KSR1: variants seen among roughly 807,000 people sequenced by gnomAD.
KSR1 encodes kinase suppressor of ras.
Under a neutral mutation model 92.9 loss-of-function variants are expected in KSR1, and 35 were observed. The ratio of observed to expected loss-of-function variants is 0.38; its 90% CI spans 0.29 to 0.50. The LOEUF is 0.50. Among genes scored for constraint, KSR1 ranks in the 20% least tolerant of loss-of-function variants. KSR1 has a pLI of 0.94. For missense variants in KSR1, 972 were observed against 1,158.5 expected (o/e 0.84, Z 2.34); for synonymous variants, 467 against 472.6 (o/e 0.99, Z 0.15).
chr17:27,497,377 G>A (rs1284489470), intron 1 of KSR1, among the ~76,000 whole-genome samples: 1 of 152,226 alleles, frequency 6.6e-6, no homozygotes, highest in Non-Finnish European at 1.5e-5. Context: ...TCTGGAAAAT[G>A]TCCTGGGACA....
chr17:27,579,911 A>AAAAAAAAAGG (rs35343726), intron 3 of KSR1: 1 of 149,294 alleles, frequency 6.7e-6, no homozygotes, highest in African/African-American at 2.5e-5. Context: ...AAAAAAAAAA[A>AAAAAAAAAGG]GTGAGTGAAG....
chr17:27,592,559 T>G lies in KSR1; in HGVS notation c.1232T>G (p.Ile411Ser). Residue 411 changes from isoleucine (I) to serine (S), a missense_variant, in exon 9 of 21, where the codon ATC becomes AGC. This residue lies in a region of KSR1 where 611 missense variants were observed against 668.0 expected (regional missense o/e 0.91). Transcript: ENST00000644974. ...LRRTESVPSD[I>S]NNPVDRAAEP... is the part of the protein sequence containing the mutation. ...AGGACAGAATCTGTCCCCTCGGACATCAACAACCCGGTGGACAGAGCAGCC... is the reference window on the plus strand; with the variant it reads ...AGGACAGAATCTGTCCCCTCGGACAGCAACAACCCGGTGGACAGAGCAGCC... The G allele has an allele frequency of 6.2e-7, 1 of 1,613,938 alleles. No individual in the cohort carries two copies. The highest frequency in any genetic ancestry group is 8.5e-7 in the Non-Finnish European group (1 of 1,179,874).
intron 16 of KSR1, 126 bp downstream of exon 16, chr17:27,609,455 T>C: frequency 1.6e-6 from 2 of 1,255,320 alleles, no homozygotes. Context: ...CCCAGGTCGC[T>C]TTGGTCCTGC....
chr17:27,537,621 C>T (rs750949331), intron 1 of KSR1, among the ~76,000 whole-genome samples: 17 of 152,190 alleles, frequency 1.1e-4, no homozygotes, highest in Non-Finnish European at 1.8e-4. Flanking sequence ...ACCCGGGAGG[C>T]GGAGGTTGCA....
chr17:27,623,096 G>C (rs2074269795), intron 20 of KSR1: 2 of 593,210 alleles, frequency 3.4e-6, no homozygotes, highest in Non-Finnish European at 6.0e-6. Flanking sequence ...AGATGAATGA[G>C]CCACCGTTGC....
Position 27,456,726 on chromosome 17 carries a change from G to C in KSR1, c.83G>C (p.Gly28Ala), listed in dbSNP as rs781300247. The C allele has an allele frequency of 1.1e-4, 136 of 1,247,922 alleles. No homozygotes were observed. Among genetic ancestry groups the C allele is most frequent in the Non-Finnish European group, 1.4e-4 (122 of 869,358 alleles). 77.3% of individuals were successfully genotyped at this position (1,247,922 alleles called of 1,614,324 possible). A position where few individuals can be genotyped will look rare whatever the true frequency, so the allele number is the denominator to read the frequency against. Residue 28 changes from glycine to alanine, a missense_variant, in exon 1 of 21, where the codon GGA becomes GCA. Gly to Ala is a moderately conservative substitution (Grantham distance 60). This residue lies in a region of KSR1 where 19 missense variants were observed against 60.3 expected (regional missense o/e 0.32). Coordinates refer to ENST00000644974, the MANE Select transcript of KSR1 (RefSeq NM_001394583.1). ...GGGGGGGATGCGGCGGCCGCGGAGG[G>C]AGGCGCAGGGGCCGCGGCCAGCCGG... ...GGGGDAAAAE[G>A]GAGAAASRAL...
At chr17:27,461,327 C>A (rs558014335) in intron 1 of KSR1, among the ~76,000 whole-genome samples, 2 of 152,316 alleles carry the variant, frequency 1.3e-5, no homozygotes, top group African/African-American at 4.8e-5. Context: ...GTGATCTACC[C>A]ACCTTGGCCT....
At chr17:27,604,857 G>A (rs1328750791) in intron 13 of KSR1, 129 bp downstream of exon 13, 1 of 864,538 alleles carries the variant, frequency 1.2e-6, no homozygotes, top group Non-Finnish European at 2.0e-6. Flanking sequence ...GGCACCCATT[G>A]CAGAGGTGCA....
intron 3 of KSR1, chr17:27,579,537 T>C (rs1323458825): frequency 6.6e-6 from 1 of 152,150 alleles, no homozygotes; most frequent in Non-Finnish European, 1.5e-5. Flanking sequence ...TATGAGGTGA[T>C]AGAAAGTGTT....
At chr17:27,526,410 G>T in intron 1 of KSR1, 9 of 1,527,192 alleles carry the variant, frequency 5.9e-6, no homozygotes, top group South Asian at 1.3e-5. Context: ...GAAAGGGCCG[G>T]TTAAATGAGG....
At chr17:27,622,225 CTGA>C in intron 20 of KSR1, 1 of 494,350 alleles carries the variant, frequency 2.0e-6, no homozygotes, top group Non-Finnish European at 3.6e-6. Context: ...CTGGACATGA[CTGA>C]TTGCTCCCGT....
chr17:27,605,417 TC>T lies in KSR1; in HGVS notation c.1615-15del. On this transcript the variant is annotated splice_polypyrimidine_tract_variant and intron_variant, in intron 13 of 20. Coordinates refer to ENST00000644974, the MANE Select transcript of KSR1 (RefSeq NM_001394583.1). ...CAGATCTGCTGCCCATCCCTGTTCT[TC>T]CTGCTCTCCTTTCAGGCTGAGGAGC... The T allele has an allele frequency of 6.2e-7, 1 of 1,604,536 alleles. No homozygotes were observed. Among genetic ancestry groups the T allele is most frequent in the Non-Finnish European group, 8.5e-7 (1 of 1,178,044 alleles).
At chr17:27,555,511 C>CGTGTGTGTGTGT (rs71359222) in intron 2 of KSR1, among the ~76,000 whole-genome samples, 86 of 150,202 alleles carry the variant, frequency 5.7e-4, no homozygotes, top group African/African-American at 2.0e-3. Context: ...TTTTGTTTGG[C>CGTGTGTGTGTGT]GTGTGTGTGT....
At chr17:27,486,322 G>C (rs79353446) in intron 1 of KSR1, among the ~76,000 whole-genome samples, 2 of 152,220 alleles carry the variant, frequency 1.3e-5, no homozygotes, top group East Asian at 3.8e-4. Context: ...GGCATCCAAG[G>C]CTGCTGAGCT....
At chr17:27,616,131 C>T (rs1228649482) in intron 18 of KSR1, among the ~76,000 whole-genome samples, 1 of 152,000 alleles carries the variant, frequency 6.6e-6, no homozygotes, top group Admixed American at 6.5e-5. Flanking sequence ...TAGTGAGGTC[C>T]CTTTATTGGA....
chr17:27,573,964 G>A (rs1349668721), intron 2 of KSR1, among the ~76,000 whole-genome samples: 1 of 152,204 alleles, frequency 6.6e-6, no homozygotes, highest in Non-Finnish European at 1.5e-5. Context: ...GAAAGAAAAA[G>A]AATCCCTATT....
chr17:27,471,864 T>C (rs1488724465), intron 1 of KSR1: 1 of 152,420 alleles, frequency 6.6e-6, no homozygotes, highest in South Asian at 2.1e-4. Context: ...CGCAGCTGAC[T>C]CATCTCTGTA....
At chr17:27,514,204 C>T (rs1383581499) in intron 1 of KSR1, among the ~76,000 whole-genome samples, 1 of 152,246 alleles carries the variant, frequency 6.6e-6, no homozygotes, top group Non-Finnish European at 1.5e-5. Flanking sequence ...GTAAATAACA[C>T]TCGGTCAGCC....
intron 1 of KSR1, among the ~76,000 whole-genome samples, chr17:27,541,968 T>C (rs2151068646): frequency 1.3e-5 from 2 of 152,342 alleles, no homozygotes; most frequent in East Asian, 3.9e-4. Context: ...AGCTTTGTTT[T>C]TCTTTACTCA....
Sources: gnomAD v4.1 joint callset for allele counts (sites outside exome capture counted in the v4.1 genomes callset) on GRCh38, gnomAD v4.1.1 for gene constraint, gnomAD v4.1.1 regional missense constraint, MANE v1.5 for transcripts, NCBI Gene and HGNC (gene_info 2026-07-23, HGNC 2026-07-21) for gene names.